Variants in ZNF30 observed in about 807,000 individuals in gnomAD.
ZNF30 encodes zinc finger protein 30.
Under a neutral mutation model 13.2 loss-of-function variants are expected in ZNF30, and 15 were observed. The ratio of observed to expected loss-of-function variants is 1.13; its 90% confidence interval spans 0.76 to 1.75. ZNF30 has a LOEUF of 1.75. Ranked by LOEUF, ZNF30 falls within the 40% of genes most tolerant of loss-of-function variation. ZNF30 has a pLI of 0.00. For missense variants in ZNF30, 726 were observed against 757.0 expected (o/e 0.96, Z 0.48); for synonymous variants, 223 against 256.6 (o/e 0.87, Z 1.25).
chr19:34,938,295 A>G (rs1042910722), intron 4 of ZNF30, among the ~76,000 whole-genome samples: 1 of 152,170 alleles, frequency 6.6e-6, no homozygotes, highest in Non-Finnish European at 1.5e-5. Flanking sequence ...ATTCTGAAGT[A>G]TCGGGTGGAC....
intron 3 of ZNF30, among the ~76,000 whole-genome samples, chr19:34,932,511 CAAT>C (rs769558290): frequency 2.0e-5 from 3 of 152,084 alleles, no homozygotes; most frequent in Non-Finnish European, 4.4e-5. Context: ...AGCAAAATAA[CAAT>C]AATAATGTTA....
At chr19:34,941,449 G>A (rs1294773079) in intron 4 of ZNF30, among the ~76,000 whole-genome samples, 1 of 152,172 alleles carries the variant, frequency 6.6e-6, no homozygotes, top group Non-Finnish European at 1.5e-5. Context: ...ATTTTTAGTA[G>A]AGACAGGGTT....
chr19:34,930,049 C>A, intron 2 of ZNF30, 93 bp downstream of exon 2: 2 of 1,255,252 alleles, frequency 1.6e-6, no homozygotes, highest in East Asian at 2.5e-5. Flanking sequence ...CAGAATGTAC[C>A]ATCTAATTGC....
intron 1 of ZNF30, among the ~76,000 whole-genome samples, chr19:34,928,220 A>AAAAAAAAT (rs1555778254): frequency 1.1e-4 from 8 of 73,414 alleles, no homozygotes; most frequent in South Asian, 1.0e-3. Flanking sequence ...AAAAAAAAAA[A>AAAAAAAAT]ATATATATAT....
rs368409659 is a variant in ZNF30, at chr19:34,943,902, C to T, written c.936C>T (p.Gly312=). Residue 312 remains glycine, a synonymous_variant, in exon 5 of 5, where the codon GGC becomes GGT. Coordinates refer to ENST00000601142, the MANE Select transcript of ZNF30 (RefSeq NM_194325.3). ...CTAAGCATCAGAGAATTCATACTGG[C>T]GAGAAACCCTATGAATGTAAGGAGT... The part of the protein sequence containing the change: ...PLAKHQRIHT[G]EKPYECKECG... 301 of 1,613,800 alleles carry T rather than the reference C, an allele frequency of 1.9e-4. No homozygotes were observed. The highest frequency in any genetic ancestry group is 4.4e-4 in the African/African-American group (33 of 74,902).
chr19:34,926,915 G>T lies in ZNF30; in HGVS notation c.-366G>T, dbSNP rs964740582. On this transcript the variant is annotated 5_prime_UTR_variant, in exon 1 of 5. Transcript: ENST00000601142. Reference sequence around the variant, plus strand: ...GCCGGTGGGCGGCCTTGTGGACTGCGCCGGGCATGCTCGGCGGTGTGACGG... The same window carrying T: ...GCCGGTGGGCGGCCTTGTGGACTGCTCCGGGCATGCTCGGCGGTGTGACGG... The T allele has an allele frequency of 2.5e-6, 1 of 398,198 alleles. No homozygotes were observed. The highest frequency in any genetic ancestry group is 2.1e-5 in the African/African-American group (1 of 48,580). The allele number at this position is 398,198 out of a possible 1,614,324, so 24.7% of individuals were successfully genotyped here.
At position 34,933,636 on chromosome 19, in the gene ZNF30, CG is replaced by C; in HGVS notation, c.170del (p.Arg57LeufsTer6). ...YRNLVSMGHSRSKPHVIALLE... is the reference protein window; with the variant it reads ...YRNLVSMGHSXSKPHVIALLE... Reference sequence around the variant, plus strand: ...TCTTATCTCATAAGCAGGACATTCCCGTTCTAAACCACATGTGATCGCCTTA... The same window carrying C: ...TCTTATCTCATAAGCAGGACATTCCCTTCTAAACCACATGTGATCGCCTTA... On this transcript the variant is annotated frameshift_variant, in exon 4 of 5. Transcript: ENST00000601142. LOFTEE classifies it high-confidence loss of function. The C allele has an allele frequency of 6.3e-7, 1 of 1,596,446 alleles. No homozygotes were observed. The highest frequency in any genetic ancestry group is 1.3e-5 in the African/African-American group (1 of 74,718).
chr19:34,928,790 C>A lies in ZNF30; in HGVS notation c.-64-1094C>A, dbSNP rs540984983. Among the ~76,000 whole-genome samples the A allele has an allele frequency of 3.9e-5, 6 of 152,002 alleles. No individual in the cohort carries two copies. The East Asian group carries it at 1.2e-3, about 30-fold the overall frequency. ...TCACACCACTGCACTCCAGCCTGGG[C>A]AACAGAGTGAGACCCTGTCTCAAAC... On this transcript the variant is annotated intron_variant, in intron 1 of 4. Coordinates refer to ENST00000601142, the MANE Select transcript of ZNF30 (RefSeq NM_194325.3).
intron 1 of ZNF30, among the ~76,000 whole-genome samples, 175 bp from the exon 2 acceptor site, chr19:34,929,709 T>C (rs766659710): frequency 3.7e-4 from 57 of 152,338 alleles, no homozygotes; most frequent in Non-Finnish European, 6.6e-4. Context: ...GCCACACCTC[T>C]GCGATCAACT....
At chr19:34,930,400 G>A (rs2012384326) in intron 2 of ZNF30, among the ~76,000 whole-genome samples, 1 of 152,182 alleles carries the variant, frequency 6.6e-6, no homozygotes, top group Non-Finnish European at 1.5e-5. Context: ...AGGCTTTTAA[G>A]ATTGAGTGGG....
At chr19:34,941,922 A>T (rs2013068472) in intron 4 of ZNF30, among the ~76,000 whole-genome samples, 1 of 152,174 alleles carries the variant, frequency 6.6e-6, no homozygotes, top group Non-Finnish European at 1.5e-5. Context: ...CTCCTCATTA[A>T]AAGACTGTTT....
At chr19:34,932,098 G>A in intron 3 of ZNF30, 105 bp downstream of exon 3, 1 of 1,070,236 alleles carries the variant, frequency 9.3e-7, no homozygotes, top group Admixed American at 3.9e-5. Flanking sequence ...TCTTCTTGTT[G>A]CCAGAGAAAT....
chr19:34,932,695 C>T (rs2012515829), intron 3 of ZNF30, among the ~76,000 whole-genome samples: 1 of 151,952 alleles, frequency 6.6e-6, no homozygotes, highest in Admixed American at 6.6e-5. Context: ...CGCAAGATCA[C>T]ACAGCCCATA....
Position 34,944,449 on chromosome 19 carries a change from C to T in ZNF30, c.1483C>T (p.Arg495Ter), listed in dbSNP as rs201624151. 8.1e-5 allele frequency: 131 copies of T among 1,613,268 alleles called. 1 individual carries two copies. The highest frequency in any genetic ancestry group is 4.9e-4 in the South Asian group (45 of 91,038). ...TAAGGAATGTGGAAAGACTTTTAGT[C>T]GAGCCTCGTACCTTGTACAACATAG... Reference protein sequence around the residue: ...ECKECGKTFSRASYLVQHSRI... With the variant: ...ECKECGKTFS Residue 495 changes from arginine to a stop codon, truncating the protein, a stop_gained, in exon 5 of 5, where the codon CGA becomes TGA. Coordinates refer to ENST00000601142, the MANE Select transcript of ZNF30 (RefSeq NM_194325.3). LOFTEE classifies it low-confidence loss of function (END_TRUNC).
intron 4 of ZNF30, among the ~76,000 whole-genome samples, chr19:34,941,430 A>C (rs1568543086): frequency 6.6e-6 from 1 of 152,132 alleles, no homozygotes; most frequent in East Asian, 1.9e-4. Context: ...ATGCCCAGCT[A>C]ATTTTTGTAT....
At chr19:34,940,247 T>A (rs1401916891) in intron 4 of ZNF30, among the ~76,000 whole-genome samples, 1 of 152,204 alleles carries the variant, frequency 6.6e-6, no homozygotes, top group Non-Finnish European at 1.5e-5. Context: ...GTCCCCTGTC[T>A]CCTTTTTGGT....
At chr19:34,925,598 G>A (rs2012040806), upstream of ZNF30, among the ~76,000 whole-genome samples, 1 of 152,086 alleles carries the variant, frequency 6.6e-6, no homozygotes, top group South Asian at 2.1e-4. Context: ...GATGGGGGCG[G>A]GAACAGGATG....
At chr19:34,934,846 G>A (rs142045880) in intron 4 of ZNF30, among the ~76,000 whole-genome samples, 75 of 152,112 alleles carry the variant, frequency 4.9e-4, no homozygotes, top group Non-Finnish European at 8.7e-4. Context: ...CGGATTGATG[G>A]GTGCAGCAAA....
intron 1 of ZNF30, among the ~76,000 whole-genome samples, chr19:34,928,355 G>T (rs2012242074): frequency 6.6e-6 from 1 of 150,442 alleles, no homozygotes; most frequent in Non-Finnish European, 1.5e-5. Context: ...TAACTCCAAT[G>T]CAGTAGTGCC....
Sources: allele counts gnomAD v4.1 joint callset (sites outside exome capture counted in the v4.1 genomes callset), GRCh38; gene constraint gnomAD v4.1.1; transcripts MANE v1.5; gene names NCBI Gene and HGNC (gene_info 2026-07-23, HGNC 2026-07-21).